Variants in PCDHA2 observed in about 807,000 individuals in gnomAD.
PCDHA2 encodes protocadherin alpha-2.
Under a neutral mutation model 66.0 loss-of-function variants are expected in PCDHA2, and 58 were observed. That is an observed-to-expected ratio of 0.88 (90% CI 0.71 to 1.09). PCDHA2 has a LOEUF of 1.09. Ranked by LOEUF, PCDHA2 falls within the 50% of genes least tolerant of loss-of-function variation. The pLI is 0.00. For missense variants in PCDHA2, 1,267 were observed against 1,242.3 expected (o/e 1.02, Z -0.30); for synonymous variants, 634 against 554.0 (o/e 1.14, Z -2.03).
At chr5:140,834,867 A>G (rs2150228348) in intron 1 of PCDHA2, 9 of 1,609,692 alleles carry the variant, frequency 5.6e-6, no homozygotes, top group Non-Finnish European at 7.6e-6. Flanking sequence ...CGATGCAGAT[A>G]TCGGGGAGAA....
chr5:140,927,796 C>T, intron 1 of PCDHA2: 1 of 1,614,202 alleles, frequency 6.2e-7, no homozygotes, highest in South Asian at 1.1e-5. Context: ...ACTAGGTCCG[C>T]CTGAAACGCT....
At chr5:140,877,987 CT>C (rs2057428803) in intron 1 of PCDHA2, 14 of 1,151,184 alleles carry the variant, frequency 1.2e-5, no homozygotes, top group Non-Finnish European at 1.6e-5. Context: ...TCATTTTGAA[CT>C]TTTATGTATT....
chr5:140,902,846 A>C (rs1119032), intron 1 of PCDHA2, among the ~76,000 whole-genome samples: 2 of 152,088 alleles, frequency 1.3e-5, no homozygotes, highest in African/African-American at 2.4e-5. Context: ...CTTCACTTAG[A>C]AAAATGGCGT....
chr5:140,866,460 A>G (rs2049371963), intron 1 of PCDHA2: 1 of 152,148 alleles, frequency 6.6e-6, no homozygotes, highest in Non-Finnish European at 1.5e-5. Context: ...TTGGCTGGGA[A>G]GCTCATAACA....
Position 140,796,936 on chromosome 5 carries a change from G to T in PCDHA2, c.1972G>T (p.Ala658Ser). The T allele has an allele frequency of 1.9e-6, 3 of 1,613,864 alleles. No individual in the cohort carries two copies. The highest frequency in any genetic ancestry group is 2.5e-6 in the Non-Finnish European group (3 of 1,179,992). The change falls in exon 1 of 4, where the codon GCG becomes TCG. Residue 658 changes from alanine (A) to serine (S), a missense_variant. By Grantham distance (99) the Ala-to-Ser change is moderately conservative (BLOSUM62 1). Coordinates refer to ENST00000526136, the MANE Select transcript of PCDHA2 (RefSeq NM_018905.3). ...GCTGGTGAAGGACCACGGCGAACCA[G>T]CGTTGACAGCCACGGCCACCGTGTT... The part of the protein sequence containing the change: ...LVLVKDHGEP[A>S]LTATATVLVS...
chr5:140,902,530 G>A (rs569387885), intron 1 of PCDHA2, among the ~76,000 whole-genome samples: 11 of 152,144 alleles, frequency 7.2e-5, no homozygotes, highest in African/African-American at 2.7e-4. Flanking sequence ...TTATTATGTT[G>A]AGGTATGTTC....
intron 1 of PCDHA2, chr5:140,823,187 G>A: frequency 6.2e-7 from 1 of 1,613,888 alleles, no homozygotes; most frequent in Non-Finnish European, 8.5e-7. Flanking sequence ...CCGCCAGGCT[G>A]CCACATCTTC....
chr5:141,001,518 C>G (rs573560944), intron 3 of PCDHA2, among the ~76,000 whole-genome samples: 2 of 152,272 alleles, frequency 1.3e-5, no homozygotes, highest in East Asian at 1.9e-4. Context: ...AGCTTTCTCC[C>G]TCTCTCTCTG....
intron 3 of PCDHA2, among the ~76,000 whole-genome samples, chr5:140,987,129 G>A (rs1281954011): frequency 1.3e-5 from 2 of 151,758 alleles, no homozygotes; most frequent in African/African-American, 4.8e-5. Flanking sequence ...CAGGAGAATT[G>A]CTTGAACTCG....
chr5:140,945,153 C>T (rs996541335), intron 1 of PCDHA2, among the ~76,000 whole-genome samples: 1 of 152,064 alleles, frequency 6.6e-6, no homozygotes, highest in African/African-American at 2.4e-5. Flanking sequence ...TTTCTATACA[C>T]TATTGAACTA....
intron 1 of PCDHA2, chr5:140,882,945 T>C (rs1554176195): frequency 6.2e-7 from 1 of 1,614,194 alleles, no homozygotes; most frequent in Non-Finnish European, 8.5e-7. Flanking sequence ...ACTGGCACAG[T>C]TCAGCTGCTC....
intron 1 of PCDHA2, among the ~76,000 whole-genome samples, chr5:140,963,199 A>G (rs955651383): frequency 6.6e-6 from 1 of 152,092 alleles, no homozygotes; most frequent in Non-Finnish European, 1.5e-5. Flanking sequence ...TGAAAATGAA[A>G]AAAAAAACCT....
intron 1 of PCDHA2, among the ~76,000 whole-genome samples, chr5:140,888,287 C>G (rs1371852276): frequency 6.6e-6 from 1 of 152,072 alleles, no homozygotes; most frequent in African/African-American, 2.4e-5. Flanking sequence ...CCCCTCTACC[C>G]CCTACCCAGG....
intron 1 of PCDHA2, among the ~76,000 whole-genome samples, chr5:140,937,780 C>T (rs1459266022): frequency 3.3e-5 from 5 of 151,656 alleles, no homozygotes; most frequent in African/African-American, 7.3e-5. Flanking sequence ...GGCGTGGTGG[C>T]GGGCGTATGT....
intron 1 of PCDHA2, chr5:140,825,625 T>C (rs1768653929): frequency 6.6e-6 from 1 of 151,914 alleles, no homozygotes; most frequent in Admixed American, 6.6e-5. Context: ...TTTCACCATG[T>C]TGGTCATGGT....
At chr5:140,855,901 A>G (rs1280645152) in intron 1 of PCDHA2, 6 of 1,088,536 alleles carry the variant, frequency 5.5e-6, no homozygotes, top group African/African-American at 4.7e-5. Flanking sequence ...GGCATCAGCC[A>G]GTTTCTCAAG....
At chr5:140,954,512 T>C (rs2095046956) in intron 1 of PCDHA2, among the ~76,000 whole-genome samples, 1 of 152,254 alleles carries the variant, frequency 6.6e-6, no homozygotes, top group Non-Finnish European at 1.5e-5. Flanking sequence ...TGCATTTACC[T>C]AATGATCAGT....
chr5:140,909,134 C>A (rs1337385284), intron 1 of PCDHA2, among the ~76,000 whole-genome samples: 3 of 152,140 alleles, frequency 2.0e-5, no homozygotes, highest in Non-Finnish European at 4.4e-5. Flanking sequence ...AGGTAATGAA[C>A]CAGTGTGATA....
At chr5:140,948,259 G>A (rs1430770984) in intron 1 of PCDHA2, among the ~76,000 whole-genome samples, 3 of 151,464 alleles carry the variant, frequency 2.0e-5, no homozygotes, top group Non-Finnish European at 3.0e-5. Context: ...TTACATCTGT[G>A]TTCATGTAGA....
Sources: gnomAD v4.1 joint callset for allele counts (sites outside exome capture counted in the v4.1 genomes callset) on GRCh38, gnomAD v4.1.1 for gene constraint, MANE v1.5 for transcripts, NCBI Gene and HGNC (gene_info 2026-07-23, HGNC 2026-07-21) for gene names.